Variants in PAX9 observed in about 807,000 individuals in gnomAD.
The protein encoded by PAX9 is paired box protein Pax-9.
In PAX9, 6 loss-of-function variants were observed where a neutral mutation model predicts 29.1. The observed-to-expected ratio is 0.21, with a 90% CI of 0.11 to 0.41. PAX9 has a LOEUF of 0.41. Among genes scored for constraint, PAX9 ranks in the 10% least tolerant of loss-of-function variants. The pLI is 1.00. For missense variants in PAX9, 443 were observed against 479.1 expected (o/e 0.92, Z 0.70); for synonymous variants, 217 against 211.7 (o/e 1.03, Z -0.22).
intron 2 of PAX9, among the ~76,000 whole-genome samples, chr14:36,665,762 T>C (rs953927442): frequency 3.9e-5 from 6 of 152,244 alleles, no homozygotes; most frequent in African/African-American, 9.6e-5. Context: ...CCATGGCATG[T>C]ATAGTGGTAA....
Sources: allele counts gnomAD v4.1 joint callset (sites outside exome capture counted in the v4.1 genomes callset), GRCh38; gene constraint gnomAD v4.1.1; transcripts MANE v1.5; gene names NCBI Gene and HGNC (gene_info 2026-07-23, HGNC 2026-07-21).